The following PRIMA1 variants were observed in gnomAD, a reference collection of about 807,000 sequenced individuals.
PRIMA1 encodes the protein proline rich membrane anchor 1.
In PRIMA1, 7 loss-of-function variants were observed where a neutral mutation model predicts 17.5. That is an observed-to-expected ratio of 0.40 (90% CI 0.23 to 0.75). The LOEUF is 0.75. Ranked by LOEUF, PRIMA1 falls within the 30% of genes least tolerant of loss-of-function variation. The probability of loss-of-function intolerance (pLI) is 0.37; values close to 1 mark genes in which losing one functional copy is unlikely to be tolerated. For missense variants in PRIMA1, 200 were observed against 201.8 expected, an observed-to-expected ratio of 0.99 and a Z score of 0.05; for synonymous variants, 97 against 77.9, an observed-to-expected ratio of 1.25 and a Z score of -1.29.
intron 4 of PRIMA1, among the ~76,000 whole-genome samples, chr14:93,734,225 CG>C (rs2076133939): frequency 6.6e-6 from 1 of 152,238 alleles, no homozygotes; most frequent in East Asian, 1.9e-4. Context: ...CGCAGCATAG[CG>C]TCGGCTTACA....
Position 93,719,460 on chromosome 14 carries a change from T to C in PRIMA1, c.*1984A>G, listed in dbSNP as rs2076023417. On this transcript the variant is annotated 3_prime_UTR_variant, in exon 5 of 5. Transcript: ENST00000393140. ...AGAGAAGGTGCCCTCTGATCACTCC[T>C]GAGCTTCTGGACAGCCCAAGGCATG... 6.6e-6 allele frequency: 1 copy of C among 152,426 alleles called. No homozygotes were observed. The highest frequency in any genetic ancestry group is 2.4e-5 in the African/African-American group (1 of 41,470). 9.4% of individuals were successfully genotyped at this position (152,426 alleles called of 1,614,324 possible).
chr14:93,757,216 A>C (rs1442933832), intron 3 of PRIMA1, among the ~76,000 whole-genome samples: 5 of 151,968 alleles, frequency 3.3e-5, no homozygotes, highest in Non-Finnish European at 1.5e-5. Context: ...GGAAGGAAGG[A>C]AGGAAGGAAG....
intron 3 of PRIMA1, among the ~76,000 whole-genome samples, chr14:93,765,179 A>C (rs773066936): frequency 6.6e-6 from 1 of 151,544 alleles, no homozygotes; most frequent in Non-Finnish European, 1.5e-5. Flanking sequence ...ATGGCCCCAC[A>C]TGCTCCCAGG....
intron 3 of PRIMA1, among the ~76,000 whole-genome samples, chr14:93,775,340 G>A (rs1449262075): frequency 3.3e-5 from 5 of 152,232 alleles, no homozygotes; most frequent in African/African-American, 1.2e-4. Context: ...CTGGTTCCCG[G>A]GCCCTGGCAC....
intron 2 of PRIMA1, 73 bp from the exon 3 acceptor site, chr14:93,779,384 G>A: frequency 7.6e-7 from 1 of 1,322,820 alleles, no homozygotes; most frequent in South Asian, 1.4e-5. Flanking sequence ...ACAAGCCCAG[G>A]CCACCCCGTC....
At chr14:93,781,712 C>T (rs1453970869) in intron 2 of PRIMA1, among the ~76,000 whole-genome samples, 3 of 152,182 alleles carry the variant, frequency 2.0e-5, no homozygotes, top group Non-Finnish European at 2.9e-5. Flanking sequence ...TGATAGTTCT[C>T]GCCTGTAATC....
intron 2 of PRIMA1, 85 bp from the exon 3 acceptor site, chr14:93,779,396 C>A: frequency 8.3e-7 from 1 of 1,206,168 alleles, no homozygotes; most frequent in Non-Finnish European, 1.1e-6. Flanking sequence ...CACCCCGTCC[C>A]CTGCCAGGCT....
At chr14:93,784,107 C>T (rs939635207) in intron 2 of PRIMA1, among the ~76,000 whole-genome samples, 1 of 152,178 alleles carries the variant, frequency 6.6e-6, no homozygotes, top group Non-Finnish European at 1.5e-5. Context: ...ATATAAGACA[C>T]CCTATTACAT....
chr14:93,747,800 G>A (rs1276306791), intron 3 of PRIMA1, among the ~76,000 whole-genome samples: 1 of 6,564 alleles, frequency 1.5e-4, no homozygotes, highest in Non-Finnish European at 8.1e-4. Context: ...GAGAGTGTAA[G>A]GGGACTGAGT....
intron 3 of PRIMA1, among the ~76,000 whole-genome samples, chr14:93,739,408 C>A (rs1257581370): frequency 6.6e-6 from 1 of 152,160 alleles, no homozygotes; most frequent in African/African-American, 2.4e-5. Context: ...CCAGTTCTGA[C>A]TATCTTGAAT....
At chr14:93,722,075 TGGTAGTGGTGATGCTGGTGGTAATGG>T (rs2076042902) in intron 4 of PRIMA1, among the ~76,000 whole-genome samples, 1 of 77,862 alleles carries the variant, frequency 1.3e-5, no homozygotes, top group Admixed American at 1.4e-4. Context: ...GGGGTGATGG[TGGTAGTGGTGATGCTGGTGGTAATGG>T]GGTGGTGGTG....
rs562287886 is a variant in PRIMA1 at position 93,765,576 on chromosome 14, C to G, written c.229+13600G>C. The stretch of plus-strand genomic sequence containing the variant: ...CCCGAGGAGGAAAAGGAGGTCTACA[C>G]GAGGGCAAAGCTCCTTTCTGAGGCC... On this transcript the variant is annotated intron_variant, in intron 3 of 4. Coordinates refer to ENST00000393140, the MANE Select transcript of PRIMA1 (RefSeq NM_178013.4). 5.9e-5 allele frequency among the ~76,000 whole-genome samples: 9 copies of G among 151,984 alleles called. No individual in the cohort carries two copies. In the South Asian group the frequency reaches 1.9e-3, roughly 32 times the overall value.
At chr14:93,754,042 G>A (rs1034643711) in intron 3 of PRIMA1, among the ~76,000 whole-genome samples, 4 of 152,200 alleles carry the variant, frequency 2.6e-5, no homozygotes, top group Admixed American at 6.5e-5. Context: ...GCTGGCAAAT[G>A]AGCAAATGCT....
chr14:93,759,160 G>A (rs1308086739), intron 3 of PRIMA1, among the ~76,000 whole-genome samples: 2 of 152,146 alleles, frequency 1.3e-5, no homozygotes, highest in African/African-American at 4.8e-5. Context: ...CTTGAAGTCT[G>A]GCTGCTTGGA....
chr14:93,772,620 G>C (rs1885102310), intron 3 of PRIMA1, among the ~76,000 whole-genome samples: 1 of 152,258 alleles, frequency 6.6e-6, no homozygotes. Flanking sequence ...AGCTCTGCCA[G>C]GGTTCATGCC....
At chr14:93,771,109 C>CGCATGTACGT (rs1885048801) in intron 3 of PRIMA1, among the ~76,000 whole-genome samples, 1 of 151,430 alleles carries the variant, frequency 6.6e-6, no homozygotes, top group Non-Finnish European at 1.5e-5. Flanking sequence ...TGCATGTACG[C>CGCATGTACGT]GTGTGCATGT....
chr14:93,737,076 G>C (rs2076154184), intron 4 of PRIMA1, among the ~76,000 whole-genome samples, 165 bp downstream of exon 4: 1 of 152,202 alleles, frequency 6.6e-6, no homozygotes, highest in Non-Finnish European at 1.5e-5. Flanking sequence ...ATGAACTGTT[G>C]AATCGGGGTG....
At chr14:93,760,193 C>T (rs1247511630) in intron 3 of PRIMA1, among the ~76,000 whole-genome samples, 1 of 152,206 alleles carries the variant, frequency 6.6e-6, no homozygotes, top group Non-Finnish European at 1.5e-5. Context: ...CAGTGAGGAA[C>T]CGAACACAGA....
At chr14:93,782,282 A>C (rs541453397) in intron 2 of PRIMA1, among the ~76,000 whole-genome samples, 1 of 151,134 alleles carries the variant, frequency 6.6e-6, no homozygotes, top group East Asian at 2.0e-4. Context: ...ATAAATAAAT[A>C]AATAAATAAA....
Sources: gnomAD v4.1 joint callset for allele counts (sites outside exome capture counted in the v4.1 genomes callset) on GRCh38, gnomAD v4.1.1 for gene constraint, MANE v1.5 for transcripts, NCBI Gene and HGNC (gene_info 2026-07-23, HGNC 2026-07-21) for gene names.